Variants in MYLIP observed in about 807,000 individuals in gnomAD.
MYLIP encodes the protein E3 ubiquitin-protein ligase MYLIP.
MYLIP carries 26 observed loss-of-function variants against 45.8 expected under a neutral mutation model. The observed-to-expected ratio is 0.57, with a 90% CI of 0.42 to 0.79. MYLIP has a LOEUF of 0.79. Ranked by LOEUF, MYLIP falls within the 30% of genes least tolerant of loss-of-function variation. MYLIP has a pLI of 0.00. For missense variants in MYLIP, 494 were observed against 555.6 expected, an observed-to-expected ratio of 0.89 and a Z score of 1.11; for synonymous variants, 213 against 218.1, an observed-to-expected ratio of 0.98 and a Z score of 0.21.
the MYLIP span, chr6:16,161,531 GC>G: frequency 6.5e-6 from 1 of 152,764 alleles, no homozygotes; most frequent in African/African-American, 2.4e-5. Flanking sequence ...TACGATTAGA[GC>G]CCAGTTAAAC....
In MYLIP at chr6:16,129,733, G is replaced by T. The variant is rs1311800151; in HGVS notation, c.87+324G>T. ...AAGAAGGCGGCTCCGCACACCTGCC[G>T]CAGGTATGTGCGTGATGCCGCCTGT... On this transcript the variant is annotated intron_variant, in intron 1 of 6. Coordinates refer to ENST00000356840, the MANE Select transcript of MYLIP (RefSeq NM_013262.4). The surrounding 1 kb of genome is among the most constrained non-coding windows in gnomAD (Gnocchi z 5.1). Among the ~76,000 whole-genome samples, 1 of 152,204 alleles carries T rather than the reference G, an allele frequency of 6.6e-6. No homozygotes were observed. The highest frequency in any genetic ancestry group is 1.5e-5 in the Non-Finnish European group (1 of 68,022).
intron 2 of MYLIP, among the ~76,000 whole-genome samples, chr6:16,134,375 A>C (rs1759511330): frequency 6.6e-6 from 1 of 152,232 alleles, no homozygotes; most frequent in Admixed American, 6.5e-5. Flanking sequence ...AGAGTATCTA[A>C]AAGAAATCTC....
chr6:16,148,411 C>T (rs930542980), downstream of MYLIP, among the ~76,000 whole-genome samples: 3 of 146,492 alleles, frequency 2.0e-5, no homozygotes, highest in African/African-American at 7.5e-5. Context: ...TCTTTAGTAA[C>T]AAACTATAGA....
chr6:16,141,061 A>G (rs958233761), intron 2 of MYLIP, among the ~76,000 whole-genome samples: 1 of 152,206 alleles, frequency 6.6e-6, no homozygotes, highest in African/African-American at 2.4e-5. Flanking sequence ...CTCCATTCGG[A>G]GAAAAAGGGC....
At chr6:16,150,159 C>T (rs557503642), downstream of MYLIP, among the ~76,000 whole-genome samples, 2 of 152,172 alleles carry the variant, frequency 1.3e-5, no homozygotes, top group Admixed American at 6.5e-5. Flanking sequence ...AAGTGAACAG[C>T]GAGACTATGA....
chr6:16,159,490 T>A, the MYLIP span, among the ~76,000 whole-genome samples: 51,064 of 152,090 alleles, frequency 0.34, 10,749 homozygotes, highest in East Asian at 0.72. Flanking sequence ...AAAAGTTAGC[T>A]AACTGTGTTT....
chr6:16,143,359 T>C, intron 4 of MYLIP, 142 bp downstream of exon 4: 1 of 853,074 alleles, frequency 1.2e-6, no homozygotes, highest in South Asian at 1.7e-5. Flanking sequence ...ATTAATTTTA[T>C]TCAGGCCTAA....
chr6:16,162,806 G>C, the MYLIP span, among the ~76,000 whole-genome samples: 2 of 103,616 alleles, frequency 1.9e-5, no homozygotes, highest in Non-Finnish European at 3.7e-5. Flanking sequence ...AAAAAAAAAA[G>C]AAATTCATTT....
In MYLIP at chr6:16,129,543, C is replaced by T. The variant is rs1211512419; in HGVS notation, c.87+134C>T. 4.0e-5 allele frequency: 33 copies of T among 823,508 alleles called. No homozygotes were observed. Among genetic ancestry groups the T allele is most frequent in the Non-Finnish European group, 2.2e-5 (12 of 545,894 alleles). The allele number at this position is 823,508 out of a possible 1,614,324, so 51.0% of individuals were successfully genotyped here. On this transcript the variant is annotated intron_variant, in intron 1 of 6. Coordinates refer to ENST00000356840, the MANE Select transcript of MYLIP (RefSeq NM_013262.4). The surrounding 1 kb of genome is among the most constrained non-coding windows in gnomAD (Gnocchi z 5.1). ...GCGGCGGCAGCCGGGGGGAGCGCGT[C>T]CCCTCCTCTCCACGGGCGTGGGGCG...
At chr6:16,149,195 TCTTGGGC>T, downstream of MYLIP, among the ~76,000 whole-genome samples, 1 of 151,822 alleles carries the variant, frequency 6.6e-6, no homozygotes, top group African/African-American at 2.4e-5. Context: ...TCAGAGGGAG[TCTTGGGC>T]ATACCAGTAT....
At chr6:16,148,262 A>T (rs2113581394), downstream of MYLIP, 1 of 152,542 alleles carries the variant, frequency 6.6e-6, no homozygotes, top group African/African-American at 2.4e-5. Flanking sequence ...GGATGTGTGT[A>T]TTGTCATTTA....
At chr6:16,143,660 C>A in intron 4 of MYLIP, 39 bp from the exon 5 acceptor site, 1 of 1,602,928 alleles carries the variant, frequency 6.2e-7, no homozygotes, top group South Asian at 1.1e-5. Flanking sequence ...AAGAATCACT[C>A]CTTCTAGATC....
In MYLIP at chr6:16,141,617, C is replaced by G. The variant is rs1759674378; in HGVS notation, c.279-8C>G. On this transcript the variant is annotated splice_polypyrimidine_tract_variant and splice_region_variant and intron_variant, in intron 2 of 6. Transcript: ENST00000356840. ...CAAGCATAACCTCACTCTCACCTTGCTTTGCAGGCATATCTTTTTCTTGCA... is the reference window on the plus strand; with the variant it reads ...CAAGCATAACCTCACTCTCACCTTGGTTTGCAGGCATATCTTTTTCTTGCA... 6.2e-7 allele frequency: 1 copy of G among 1,608,656 alleles called. No homozygotes were observed. Among genetic ancestry groups the G allele is most frequent in the Non-Finnish European group, 8.5e-7 (1 of 1,176,048 alleles).
chr6:16,157,129 C>T, the MYLIP span, among the ~76,000 whole-genome samples: 1 of 152,218 alleles, frequency 6.6e-6, no homozygotes, highest in Admixed American at 6.5e-5. Flanking sequence ...TTTGCATCCC[C>T]CTCTCTCCTC....
intron 3 of MYLIP, 62 bp from the exon 4 acceptor site, chr6:16,142,958 T>C: frequency 1.3e-6 from 2 of 1,503,944 alleles, no homozygotes; most frequent in South Asian, 1.2e-5. Flanking sequence ...GAAGACTACA[T>C]AGGTTTATCT....
chr6:16,131,870 C>T (rs1024547858), intron 2 of MYLIP, among the ~76,000 whole-genome samples: 8 of 152,144 alleles, frequency 5.3e-5, no homozygotes, highest in African/African-American at 1.9e-4. Flanking sequence ...AATTTTGTTT[C>T]TGAATGAAGA....
intron 2 of MYLIP, among the ~76,000 whole-genome samples, chr6:16,133,477 T>C (rs1461281457): frequency 6.6e-6 from 1 of 152,222 alleles, no homozygotes; most frequent in African/African-American, 2.4e-5. Context: ...GTCTTTTACT[T>C]TTCAGCTGGC....
At chr6:16,142,252 T>A (rs1459727218) in intron 3 of MYLIP, among the ~76,000 whole-genome samples, 1 of 152,238 alleles carries the variant, frequency 6.6e-6, no homozygotes, top group African/African-American at 2.4e-5. Context: ...TTTCAAAAAA[T>A]TTGTTAGCCT....
At position 16,139,405 on chromosome 6, in the gene MYLIP, C is replaced by T. The variant is rs370210922; in HGVS notation, c.279-2220C>T. ...TCCATCTCAAAAAAAAAAAAAAAGG[C>T]CACTTTTACATAAGCAGTAATTAAA... On this transcript the variant is annotated intron_variant, in intron 2 of 6. Coordinates refer to ENST00000356840, the MANE Select transcript of MYLIP (RefSeq NM_013262.4). Among the ~76,000 whole-genome samples the T allele has an allele frequency of 4.7e-4, 71 of 151,312 alleles. No homozygotes were observed. The East Asian group carries it at 0.012, about 25-fold the overall frequency.
Sources: gnomAD v4.1 joint callset for allele counts (sites outside exome capture counted in the v4.1 genomes callset) on GRCh38, gnomAD v4.1.1 for gene constraint, Gnocchi (gnomAD v3.1) non-coding constraint, MANE v1.5 for transcripts, NCBI Gene and HGNC (gene_info 2026-07-23, HGNC 2026-07-21) for gene names.